GPR158: variants seen among roughly 807,000 people sequenced by gnomAD.
The protein encoded by GPR158 is metabotropic glycine receptor.
GPR158 carries 30 observed loss-of-function variants against 78.2 expected under a neutral mutation model. The ratio of observed to expected loss-of-function variants is 0.38; its 90% confidence interval spans 0.29 to 0.52. The LOEUF is 0.52. Among genes scored for constraint, GPR158 ranks in the 20% least tolerant of loss-of-function variants. GPR158 has a pLI of 0.83. For synonymous variants in GPR158, 581 were observed against 591.1 expected (o/e 0.98, Z 0.25); for missense variants, 1,463 against 1,523.5 (o/e 0.96, Z 0.66).
intron 4 of GPR158, among the ~76,000 whole-genome samples, chr10:25,455,412 G>C (rs964783534): frequency 1.3e-5 from 2 of 151,732 alleles, no homozygotes; most frequent in Non-Finnish European, 2.9e-5. Context: ...TCTAACGTTT[G>C]GTTTTATAAC....
At chr10:25,410,756 G>A (rs912532784) in intron 3 of GPR158, among the ~76,000 whole-genome samples, 26 of 152,162 alleles carry the variant, frequency 1.7e-4, no homozygotes, top group African/African-American at 6.3e-4. Flanking sequence ...ATGTCTGCTT[G>A]ACAATAAAAT....
At chr10:25,261,886 G>A (rs1166980528) in intron 2 of GPR158, among the ~76,000 whole-genome samples, 14 of 152,100 alleles carry the variant, frequency 9.2e-5, no homozygotes, top group Admixed American at 9.2e-4. Context: ...TGAGGTCACA[G>A]TATGTTAATT....
At chr10:25,405,432 C>T (rs1374198825) in intron 3 of GPR158, among the ~76,000 whole-genome samples, 2 of 141,632 alleles carry the variant, frequency 1.4e-5, no homozygotes, top group African/African-American at 5.2e-5. Context: ...TTCATAATGG[C>T]TTAGTTTGAC....
intron 2 of GPR158, among the ~76,000 whole-genome samples, chr10:25,229,827 CACTTTAG>C (rs1179591870): frequency 1.3e-5 from 2 of 152,148 alleles, no homozygotes; most frequent in Non-Finnish European, 2.9e-5. Context: ...TACCAGGTGT[CACTTTAG>C]ACATGGTGCT....
At chr10:25,478,484 T>A (rs1284007640) in intron 5 of GPR158, among the ~76,000 whole-genome samples, 1 of 144,362 alleles carries the variant, frequency 6.9e-6, no homozygotes, top group East Asian at 2.0e-4. Flanking sequence ...ATAGATGAAA[T>A]ATATAATGCG....
intron 1 of GPR158, among the ~76,000 whole-genome samples, chr10:25,211,022 C>G (rs925844486): frequency 8.6e-5 from 13 of 151,954 alleles, no homozygotes; most frequent in African/African-American, 2.9e-4. Context: ...GTCCCAGCTA[C>G]TCGGGAGACT....
intron 7 of GPR158, among the ~76,000 whole-genome samples, chr10:25,578,075 A>G (rs1414093622): frequency 6.6e-6 from 1 of 152,204 alleles, no homozygotes. Context: ...CCTTTTTGAG[A>G]ATCATCTACA....
chr10:25,184,033 G>C (rs1039272850), intron 1 of GPR158, among the ~76,000 whole-genome samples: 5 of 152,094 alleles, frequency 3.3e-5, no homozygotes, highest in African/African-American at 1.2e-4. Context: ...TACAATTAAT[G>C]CCATTTTATA....
At chr10:25,476,620 G>T (rs1835590759) in intron 5 of GPR158, among the ~76,000 whole-genome samples, 1 of 152,134 alleles carries the variant, frequency 6.6e-6, no homozygotes, top group Non-Finnish European at 1.5e-5. Flanking sequence ...GGCTGAGAGC[G>T]ATTATGATTC....
At chr10:25,462,394 TTAA>T (rs755726597) in intron 4 of GPR158, among the ~76,000 whole-genome samples, 1 of 152,178 alleles carries the variant, frequency 6.6e-6, no homozygotes, top group Non-Finnish European at 1.5e-5. Context: ...TGCAAGGAGA[TTAA>T]TGTTGTTTTC....
chr10:25,276,784 C>T (rs957510995), intron 2 of GPR158, among the ~76,000 whole-genome samples: 6 of 152,008 alleles, frequency 3.9e-5, no homozygotes, highest in African/African-American at 1.5e-4. Context: ...AAGAAACTCA[C>T]CTGAACCAAT....
chr10:25,493,902 T>C (rs1406124225), intron 5 of GPR158, among the ~76,000 whole-genome samples: 1 of 152,218 alleles, frequency 6.6e-6, no homozygotes, highest in Non-Finnish European at 1.5e-5. Flanking sequence ...AGTTATTTGC[T>C]TATTGCGCTA....
In GPR158 at chr10:25,175,506, A is replaced by C; in HGVS notation, c.86A>C (p.Gln29Pro). The change falls in exon 1 of 11, where the codon CAA (glutamine) becomes CCA (proline). Residue 29 changes from glutamine to proline, a missense_variant. Gln to Pro is a moderately conservative substitution (Grantham distance 76). Transcript: ENST00000376351. This position sits in a 1 kb window ranked among gnomAD's most constrained non-coding sequence, Gnocchi z 6.4. Reference protein sequence around the residue: ...LGAVGASRDPQGRPDSPRERT... With the variant: ...LGAVGASRDPPGRPDSPRERT... The stretch of plus-strand genomic sequence containing the variant: ...GCTGTTGGCGCCAGCCGCGACCCCC[A>C]AGGACGGCCGGATTCCCCTCGAGAG... 6.2e-7 allele frequency: 1 copy of C among 1,612,104 alleles called. No homozygotes were observed. Among genetic ancestry groups the C allele is most frequent in the Non-Finnish European group, 8.5e-7 (1 of 1,179,726 alleles).
At chr10:25,585,168 A>G (rs1837251012) in intron 7 of GPR158, among the ~76,000 whole-genome samples, 1 of 152,232 alleles carries the variant, frequency 6.6e-6, no homozygotes, top group Admixed American at 6.5e-5. Context: ...AATAGAAACT[A>G]AAGGCTAATG....
chr10:25,369,937 T>C (rs1265137038), intron 2 of GPR158, among the ~76,000 whole-genome samples: 1 of 150,790 alleles, frequency 6.6e-6, no homozygotes, highest in African/African-American at 2.4e-5. Context: ...TCTTCTAGCT[T>C]TTCTAGTTTA....
rs191681014 is a variant in GPR158, at chr10:25,485,682, T to C, written c.1404+18963T>C. On this transcript the variant is annotated intron_variant, in intron 5 of 10. Coordinates refer to ENST00000376351, the MANE Select transcript of GPR158 (RefSeq NM_020752.3). ...TGAAAATATCACTATTGACAAATCT[T>C]TAAAAATACTTTATATAAATTATCT... 4.0e-3 allele frequency among the ~76,000 whole-genome samples: 610 copies of C among 152,284 alleles called. 1 individual carries two copies. Among genetic ancestry groups the C allele is most frequent in the Admixed American group, 7.1e-3 (109 of 15,288 alleles).
chr10:25,580,734 A>T (rs11014626), intron 7 of GPR158, among the ~76,000 whole-genome samples: 2 of 151,904 alleles, frequency 1.3e-5, no homozygotes, highest in African/African-American at 2.4e-5. Context: ...TTTTATTTTT[A>T]AAAAAATTTG....
At chr10:25,269,130 A>C (rs965608528) in intron 2 of GPR158, among the ~76,000 whole-genome samples, 1 of 152,224 alleles carries the variant, frequency 6.6e-6, no homozygotes, top group Non-Finnish European at 1.5e-5. Flanking sequence ...CAGTTAAAAA[A>C]ATGAACCAAA....
intron 2 of GPR158, among the ~76,000 whole-genome samples, chr10:25,242,711 T>C (rs967760885): frequency 6.6e-6 from 1 of 152,320 alleles, no homozygotes; most frequent in East Asian, 1.9e-4. Context: ...GAATGAAAAT[T>C]ATTTATTTTA....
Sources: allele counts gnomAD v4.1 joint callset (sites outside exome capture counted in the v4.1 genomes callset), GRCh38; gene constraint gnomAD v4.1.1; non-coding constraint Gnocchi (gnomAD v3.1); transcripts MANE v1.5; gene names NCBI Gene and HGNC (gene_info 2026-07-23, HGNC 2026-07-21).